The following TMPRSS15 variants were observed in gnomAD, a reference collection of about 807,000 sequenced individuals.
TMPRSS15 encodes the protein enteropeptidase.
TMPRSS15 carries 128 observed loss-of-function variants against 125.3 expected under a neutral mutation model. The ratio of observed to expected loss-of-function variants is 1.02; its 90% confidence interval spans 0.89 to 1.18. The LOEUF is 1.18. TMPRSS15 is among the 50% of genes most tolerant of loss of function. TMPRSS15 has a pLI of 0.00. For synonymous variants in TMPRSS15, 446 were observed against 423.2 expected (o/e 1.05, Z -0.66); for missense variants, 1,283 against 1,212.7 (o/e 1.06, Z -0.86).
At chr21:18,401,441 C>G (rs1360161758) in intron 1 of TMPRSS15, among the ~76,000 whole-genome samples, 1 of 152,120 alleles carries the variant, frequency 6.6e-6, no homozygotes, top group East Asian at 1.9e-4. Flanking sequence ...AACATGGATG[C>G]AGCTAGAGGC....
At chr21:18,281,002 G>T in intron 22 of TMPRSS15, 38 bp downstream of exon 22, 1 of 1,585,138 alleles carries the variant, frequency 6.3e-7, no homozygotes, top group Non-Finnish European at 8.6e-7. Context: ...AATTAATTTT[G>T]GCAGATAAGA....
chr21:18,359,999 T>A (rs1426640409), intron 7 of TMPRSS15, 136 bp from the exon 8 acceptor site: 10 of 559,474 alleles, frequency 1.8e-5, no homozygotes, highest in Non-Finnish European at 2.9e-5. Flanking sequence ...TTTTTAAGTG[T>A]ACAGTGCAGT....
chr21:18,350,421 C>T (rs932092031), intron 10 of TMPRSS15, among the ~76,000 whole-genome samples: 1 of 152,072 alleles, frequency 6.6e-6, no homozygotes, highest in African/African-American at 2.4e-5. Flanking sequence ...GACCTTTTCT[C>T]ACCACATCTG....
intron 23 of TMPRSS15, among the ~76,000 whole-genome samples, chr21:18,276,334 G>A (rs1568976035): frequency 6.6e-6 from 1 of 152,156 alleles, no homozygotes; most frequent in East Asian, 1.9e-4. Context: ...TTTTACTGAT[G>A]TAAACACTTC....
intron 16 of TMPRSS15, among the ~76,000 whole-genome samples, chr21:18,322,503 G>C (rs1049486010): frequency 5.3e-5 from 8 of 152,108 alleles, no homozygotes; most frequent in Non-Finnish European, 8.8e-5. Flanking sequence ...TGAAAAGAGA[G>C]AGAGAAAATG....
intron 1 of TMPRSS15, among the ~76,000 whole-genome samples, chr21:18,449,800 C>CT (rs1050043625): frequency 7.2e-5 from 11 of 151,932 alleles, no homozygotes; most frequent in African/African-American, 2.4e-4. Flanking sequence ...TCACTAGGGC[C>CT]TAATGGGAAA....
chr21:18,449,058 C>T (rs559645840), intron 1 of TMPRSS15, among the ~76,000 whole-genome samples: 7 of 152,182 alleles, frequency 4.6e-5, no homozygotes, highest in South Asian at 4.1e-4. Context: ...ACTATACAGA[C>T]ACAATTTGCT....
chr21:18,350,414 C>T (rs1018683427), intron 10 of TMPRSS15, among the ~76,000 whole-genome samples: 3 of 152,032 alleles, frequency 2.0e-5, no homozygotes, highest in Middle Eastern at 3.2e-3. Context: ...AGAATCTGAC[C>T]TTTTCTCACC....
At chr21:18,480,952 T>C (rs889274383) in intron 1 of TMPRSS15, among the ~76,000 whole-genome samples, 4 of 151,822 alleles carry the variant, frequency 2.6e-5, no homozygotes, top group African/African-American at 9.7e-5. Flanking sequence ...AGGGAACAAC[T>C]TGTTCTAATC....
intron 1 of TMPRSS15, chr21:18,485,688 T>C (rs1379880159): frequency 6.5e-6 from 1 of 153,646 alleles, no homozygotes; most frequent in Admixed American, 6.5e-5. Flanking sequence ...AAGCCATATT[T>C]TGTCATAATT....
chr21:18,269,930 G>A lies in TMPRSS15; in HGVS notation c.*39C>T. ...TTCCATGCTTTCTAGAGTAGAATGG[G>A]AAAATAATGCGACTTTCCTGTTTAG... On this transcript the variant is annotated 3_prime_UTR_variant, in exon 25 of 25. Transcript: ENST00000284885. The A allele has an allele frequency of 6.2e-7, 1 of 1,610,710 alleles. No homozygotes were observed. Among genetic ancestry groups the A allele is most frequent in the African/African-American group, 1.3e-5 (1 of 74,906 alleles).
chr21:18,294,719 A>G, intron 19 of TMPRSS15, 67 bp from the exon 20 acceptor site: 2 of 1,370,006 alleles, frequency 1.5e-6, no homozygotes, highest in East Asian at 4.6e-5. Flanking sequence ...AACATCATAT[A>G]GGTTATCCTA....
At chr21:18,428,920 G>A (rs377078350) in intron 1 of TMPRSS15, among the ~76,000 whole-genome samples, 1 of 152,106 alleles carries the variant, frequency 6.6e-6, no homozygotes, top group African/African-American at 2.4e-5. Flanking sequence ...CCAACAGCTT[G>A]CACTGTTCAC....
chr21:18,387,848 T>C (rs1231470706), intron 3 of TMPRSS15, among the ~76,000 whole-genome samples: 3 of 152,212 alleles, frequency 2.0e-5, no homozygotes, highest in Non-Finnish European at 4.4e-5. Flanking sequence ...TTTATAGATA[T>C]ACAGTTGACG....
intron 11 of TMPRSS15, 72 bp from the exon 12 acceptor site, chr21:18,343,728 C>T: frequency 6.6e-7 from 1 of 1,506,612 alleles, no homozygotes; most frequent in Non-Finnish European, 9.2e-7. Context: ...AGCTTTTCTA[C>T]ATTTTTTACT....
chr21:18,387,529 C>G (rs535780642), intron 3 of TMPRSS15, among the ~76,000 whole-genome samples: 1 of 151,824 alleles, frequency 6.6e-6, no homozygotes, highest in East Asian at 1.9e-4. Flanking sequence ...AAGCACTTTC[C>G]ACAAAGCAGA....
At chr21:18,288,835 C>T (rs575035152) in intron 21 of TMPRSS15, among the ~76,000 whole-genome samples, 10 of 152,048 alleles carry the variant, frequency 6.6e-5, no homozygotes, top group Non-Finnish European at 1.3e-4. Context: ...CACACCCGGC[C>T]GCTCTTCCTC....
intron 1 of TMPRSS15, among the ~76,000 whole-genome samples, chr21:18,443,622 G>A (rs1371675728): frequency 6.6e-6 from 1 of 152,200 alleles, no homozygotes; most frequent in Non-Finnish European, 1.5e-5. Flanking sequence ...AGCCCCAGTG[G>A]AGGCCACAGT....
chr21:18,365,383 A>T, intron 6 of TMPRSS15, 135 bp from the exon 7 acceptor site: 1 of 767,188 alleles, frequency 1.3e-6, no homozygotes, highest in Non-Finnish European at 2.3e-6. Context: ...GTAAGATTTC[A>T]TGTTTGAAAC....
Sources: allele counts gnomAD v4.1 joint callset (sites outside exome capture counted in the v4.1 genomes callset), GRCh38; gene constraint gnomAD v4.1.1; transcripts MANE v1.5; gene names NCBI Gene and HGNC (gene_info 2026-07-23, HGNC 2026-07-21).